CCDC63: variants seen among roughly 807,000 people sequenced by gnomAD.
CCDC63 encodes the protein coiled-coil domain-containing protein 63.
A neutral mutation model predicts 63.6 loss-of-function variants in CCDC63; 54 were observed. The ratio of observed to expected loss-of-function variants is 0.85; its 90% CI spans 0.68 to 1.07. CCDC63 has a LOEUF of 1.07. Among genes scored for constraint, CCDC63 ranks in the 50% least tolerant of loss-of-function variants. The pLI is 0.00. For missense variants in CCDC63, 637 were observed against 689.6 expected, an observed-to-expected ratio of 0.92 and a Z score of 0.86; for synonymous variants, 253 against 266.1, an observed-to-expected ratio of 0.95 and a Z score of 0.48.
chr12:110,863,541 A>AT lies in CCDC63; in HGVS notation c.369+4783dup, dbSNP rs34243608. On this transcript the variant is annotated intron_variant, in intron 4 of 11. Coordinates refer to ENST00000308208, the MANE Select transcript of CCDC63 (RefSeq NM_152591.3). ...TGACTGGAAATAGGCTGTCCCAGGG[A>AT]TTTTTTTTTTTTTTTTTGAGACAGA... 9.2e-3 allele frequency among the ~76,000 whole-genome samples: 1,281 copies of AT among 138,514 alleles called. 17 individuals are homozygous for AT. The highest frequency in any genetic ancestry group is 0.069 in the East Asian group (326 of 4,726). 90.9% of individuals were successfully genotyped at this position (138,514 alleles called of 152,430 possible).
chr12:110,906,672 A>G (rs1395826669), intron 11 of CCDC63, among the ~76,000 whole-genome samples: 2 of 151,960 alleles, frequency 1.3e-5, no homozygotes. Context: ...GCACACACAC[A>G]CGCACACACA....
intron 8 of CCDC63, among the ~76,000 whole-genome samples, chr12:110,888,207 G>GCGGTATTGCA (rs2071309903): frequency 6.6e-6 from 1 of 152,144 alleles, no homozygotes; most frequent in South Asian, 2.1e-4. Flanking sequence ...GCGTCCATTT[G>GCGGTATTGCA]CGGTATTGCA....
At chr12:110,880,201 A>G in intron 6 of CCDC63, 114 bp downstream of exon 6, 2 of 870,534 alleles carry the variant, frequency 2.3e-6, no homozygotes, top group Non-Finnish European at 3.7e-6. Context: ...GGAATCTTAA[A>G]TCATAGTAGT....
chr12:110,857,210 T>C (rs2070784509), intron 3 of CCDC63, among the ~76,000 whole-genome samples: 1 of 151,980 alleles, frequency 6.6e-6, no homozygotes, highest in Non-Finnish European at 1.5e-5. Flanking sequence ...CACTGCAACC[T>C]CCGCCTCCCG....
intron 8 of CCDC63, among the ~76,000 whole-genome samples, chr12:110,891,493 A>C (rs1566136083): frequency 6.6e-6 from 1 of 151,314 alleles, no homozygotes; most frequent in Admixed American, 6.6e-5. Flanking sequence ...TCTACAGAAA[A>C]ATTTTTAAAA....
chr12:110,860,135 G>A (rs567071375), intron 4 of CCDC63, among the ~76,000 whole-genome samples: 3 of 152,312 alleles, frequency 2.0e-5, no homozygotes, highest in South Asian at 2.1e-4. Flanking sequence ...ACTAGGGTTC[G>A]CAACAGCGGG....
rs1593666793 is a variant in CCDC63 at position 110,875,044 on chromosome 12, T to C, written c.489+1083T>C. 2.6e-5 allele frequency among the ~76,000 whole-genome samples: 4 copies of C among 152,114 alleles called. No individual in the cohort carries two copies. The East Asian group carries it at 7.7e-4, about 29-fold the overall frequency. On this transcript the variant is annotated intron_variant, in intron 5 of 11. Coordinates refer to ENST00000308208, the MANE Select transcript of CCDC63 (RefSeq NM_152591.3). ...CTGTCATTCCTTCACTAAACAAAGC[T>C]CTTAGCTTCCCCCAGACTTTGACCA...
At chr12:110,890,160 T>C (rs2071338237) in intron 8 of CCDC63, among the ~76,000 whole-genome samples, 1 of 151,954 alleles carries the variant, frequency 6.6e-6, no homozygotes, top group Admixed American at 6.6e-5. Flanking sequence ...AGAAATTAGC[T>C]GGGTGTGATG....
At chr12:110,888,610 A>AAG (rs949047877) in intron 8 of CCDC63, among the ~76,000 whole-genome samples, 1 of 152,182 alleles carries the variant, frequency 6.6e-6, no homozygotes, top group African/African-American at 2.4e-5. Flanking sequence ...TTCCAATGGT[A>AAG]AGACTTAATT....
At chr12:110,900,802 G>A (rs2071476417) in intron 10 of CCDC63, among the ~76,000 whole-genome samples, 1 of 152,098 alleles carries the variant, frequency 6.6e-6, no homozygotes, top group Admixed American at 6.6e-5. Context: ...GTTTCACCAT[G>A]TTGGCCAGGA....
chr12:110,900,600 C>CT (rs745415057), intron 10 of CCDC63, among the ~76,000 whole-genome samples: 313 of 137,300 alleles, frequency 2.3e-3, no homozygotes, highest in East Asian at 3.0e-3. Flanking sequence ...ACCTCAGATT[C>CT]TTTTTTTTTT....
At chr12:110,846,311 A>G, upstream of CCDC63, among the ~76,000 whole-genome samples, 1 of 152,220 alleles carries the variant, frequency 6.6e-6, no homozygotes. Flanking sequence ...AGCCCCAGAG[A>G]AAGTAGTTGA....
chr12:110,877,252 C>T (rs2071142983), intron 5 of CCDC63, among the ~76,000 whole-genome samples: 1 of 150,558 alleles, frequency 6.6e-6, no homozygotes, highest in African/African-American at 2.4e-5. Flanking sequence ...TGGCTCTGTC[C>T]CCCAGGCTGG....
At chr12:110,874,751 GGT>G (rs1464705196) in intron 5 of CCDC63, among the ~76,000 whole-genome samples, 5 of 152,108 alleles carry the variant, frequency 3.3e-5, no homozygotes, top group Non-Finnish European at 7.4e-5. Flanking sequence ...CAGGGTGGGT[GGT>G]CAGAAGAATG....
At chr12:110,850,470 G>C (rs144889489) in intron 1 of CCDC63, among the ~76,000 whole-genome samples, 1 of 152,252 alleles carries the variant, frequency 6.6e-6, no homozygotes, top group East Asian at 1.9e-4. Flanking sequence ...GGCTGGACGT[G>C]GTGGTTCACG....
chr12:110,894,502 A>C (rs976299217), intron 9 of CCDC63, among the ~76,000 whole-genome samples: 3 of 151,932 alleles, frequency 2.0e-5, no homozygotes, highest in African/African-American at 7.3e-5. Context: ...TCTGACGCGC[A>C]CCTGGGAGAC....
intron 10 of CCDC63, among the ~76,000 whole-genome samples, chr12:110,901,760 C>A (rs968291681): frequency 9.9e-5 from 15 of 152,056 alleles, no homozygotes; most frequent in African/African-American, 3.6e-4. Context: ...ATGACAGGAT[C>A]TCATTCTTTT....
chr12:110,899,146 T>C lies in CCDC63; in HGVS notation c.1342+21T>C, dbSNP rs555807093. The C allele has an allele frequency of 5.0e-6, 8 of 1,595,788 alleles. No homozygotes were observed. In the South Asian group the frequency reaches 5.6e-5, roughly 11 times the overall value. ...TTTTGGTGAGTCAAGCTGGGGCCCG[T>C]TGGAGTCTTAGGAAACATTTCCAGA... On this transcript the variant is annotated intron_variant, in intron 10 of 11. Coordinates refer to ENST00000308208, the MANE Select transcript of CCDC63 (RefSeq NM_152591.3).
chr12:110,883,525 A>T lies in CCDC63; in HGVS notation c.854-505A>T, dbSNP rs1434142556. 2.0e-5 allele frequency among the ~76,000 whole-genome samples: 3 copies of T among 152,222 alleles called. No individual in the cohort carries two copies. In the East Asian group the frequency reaches 5.8e-4, roughly 29 times the overall value. On this transcript the variant is annotated intron_variant, in intron 7 of 11. Transcript: ENST00000308208. ...GTAAATGCTTCTTGAGATATTTGTGAAATGAATGATGGGTGAAGCTTCTGC... is the reference window on the plus strand; with the variant it reads ...GTAAATGCTTCTTGAGATATTTGTGTAATGAATGATGGGTGAAGCTTCTGC...
Sources: gnomAD v4.1 joint callset for allele counts (sites outside exome capture counted in the v4.1 genomes callset) on GRCh38, gnomAD v4.1.1 for gene constraint, MANE v1.5 for transcripts, NCBI Gene and HGNC (gene_info 2026-07-23, HGNC 2026-07-21) for gene names.